CCDC38: variants seen among roughly 807,000 people sequenced by gnomAD.
CCDC38 encodes coiled-coil domain-containing protein 38.
In CCDC38, 69 loss-of-function variants were observed where a neutral mutation model predicts 72.8. The observed-to-expected ratio is 0.95, with a 90% CI of 0.78 to 1.16. CCDC38 has a LOEUF of 1.16. Ranked by LOEUF, CCDC38 falls within the 50% of genes most tolerant of loss-of-function variation. The pLI is 0.00. For missense variants in CCDC38, 626 were observed against 638.9 expected (o/e 0.98, Z 0.22); for synonymous variants, 201 against 213.2 (o/e 0.94, Z 0.50).
intron 4 of CCDC38, among the ~76,000 whole-genome samples, chr12:95,911,831 G>A (rs2080097511): frequency 6.6e-6 from 1 of 152,114 alleles, no homozygotes; most frequent in Admixed American, 6.6e-5. Context: ...ACTAAAAATA[G>A]AACTATCATC....
chr12:95,875,512 A>C (rs1181530582), intron 13 of CCDC38, among the ~76,000 whole-genome samples: 1 of 152,212 alleles, frequency 6.6e-6, no homozygotes, highest in Non-Finnish European at 1.5e-5. Flanking sequence ...GAATATCACA[A>C]TCAAATATGT....
At chr12:95,868,290 A>G (rs1266488489) in intron 15 of CCDC38, among the ~76,000 whole-genome samples, 2 of 152,126 alleles carry the variant, frequency 1.3e-5, no homozygotes, top group Admixed American at 1.3e-4. Context: ...GGTATTAGGA[A>G]TACAAACGTC....
At chr12:95,884,013 CT>C (rs1438382378) in intron 10 of CCDC38, among the ~76,000 whole-genome samples, 1 of 152,154 alleles carries the variant, frequency 6.6e-6, no homozygotes, top group Non-Finnish European at 1.5e-5. Context: ...AAACTGAATC[CT>C]TTCAAGACTG....
chr12:95,910,537 T>G (rs1326390365), intron 4 of CCDC38, among the ~76,000 whole-genome samples: 2 of 152,140 alleles, frequency 1.3e-5, no homozygotes, highest in African/African-American at 4.8e-5. Flanking sequence ...AAACTACCAA[T>G]GTCACTTTTC....
At chr12:95,888,580 T>C (rs2079786388) in intron 9 of CCDC38, 74 bp from the exon 10 acceptor site, 5 of 1,384,464 alleles carry the variant, frequency 3.6e-6, no homozygotes, top group Non-Finnish European at 5.2e-6. Flanking sequence ...GAATTAGAAA[T>C]GAGCCCGTGC....
chr12:95,881,609 A>G lies in CCDC38; in HGVS notation c.921-55T>C, dbSNP rs1005740229. On this transcript the variant is annotated intron_variant, in intron 10 of 15. Coordinates refer to ENST00000344280, the MANE Select transcript of CCDC38 (RefSeq NM_182496.3). ...CTGATTTGTGAGCCATTTTCTGTCAACAGGTTTGCATTCCTCTCTAAATTG... is the reference window on the plus strand; with the variant it reads ...CTGATTTGTGAGCCATTTTCTGTCAGCAGGTTTGCATTCCTCTCTAAATTG... 4.9e-6 allele frequency: 7 copies of G among 1,434,022 alleles called. No homozygotes were observed. The African/African-American group carries it at 7.1e-5, about 14-fold the overall frequency. 88.8% of individuals were successfully genotyped at this position (1,434,022 alleles called of 1,614,324 possible). A position where few individuals can be genotyped will look rare whatever the true frequency, so the allele number is the denominator to read the frequency against.
intron 8 of CCDC38, among the ~76,000 whole-genome samples, chr12:95,893,962 G>C (rs905391883): frequency 6.6e-6 from 1 of 152,056 alleles, no homozygotes; most frequent in African/African-American, 2.4e-5. Context: ...AGGTTAATTT[G>C]TTAGGTTAAT....
chr12:95,916,449 T>G (rs1366331410), intron 4 of CCDC38, among the ~76,000 whole-genome samples: 1 of 145,994 alleles, frequency 6.8e-6, no homozygotes, highest in Non-Finnish European at 1.5e-5. Flanking sequence ...ACTTTTTAAT[T>G]TAACAATTTG....
chr12:95,927,679 G>T (rs1041915890), intron 2 of CCDC38, among the ~76,000 whole-genome samples: 3 of 152,194 alleles, frequency 2.0e-5, no homozygotes, highest in African/African-American at 7.2e-5. Flanking sequence ...GCTGGTATTG[G>T]TTGTTCCTTT....
At position 95,923,436 on chromosome 12, in the gene CCDC38, A is replaced by T. The variant is rs562985965; in HGVS notation, c.38-4460T>A. 2.6e-5 allele frequency among the ~76,000 whole-genome samples: 4 copies of T among 152,088 alleles called. No homozygotes were observed. In the South Asian group the frequency reaches 6.2e-4, roughly 24 times the overall value. The stretch of plus-strand genomic sequence containing the variant: ...TGGAGCCACTGTTGTCCTCCAGGGG[A>T]TGAGTAATTAGTGGGCTGGACACCT... On this transcript the variant is annotated intron_variant, in intron 2 of 15. Transcript: ENST00000344280.
intron 8 of CCDC38, among the ~76,000 whole-genome samples, chr12:95,891,883 C>T (rs1030911496): frequency 6.6e-6 from 1 of 152,120 alleles, no homozygotes; most frequent in Non-Finnish European, 1.5e-5. Context: ...CTCTAGAAAG[C>T]AAATTCCCCC....
chr12:95,932,065 T>C (rs1365331692), intron 2 of CCDC38, among the ~76,000 whole-genome samples: 1 of 152,006 alleles, frequency 6.6e-6, no homozygotes, highest in African/African-American at 2.4e-5. Flanking sequence ...TTGTAGGCAG[T>C]CTTGAAGACT....
intron 9 of CCDC38, 118 bp from the exon 10 acceptor site, chr12:95,888,624 C>T (rs2079786906): frequency 1.3e-6 from 1 of 792,876 alleles, no homozygotes. Flanking sequence ...TCTGCACAGA[C>T]ATGCCCATTA....
intron 2 of CCDC38, among the ~76,000 whole-genome samples, chr12:95,930,721 A>G (rs904163105): frequency 2.0e-5 from 3 of 152,170 alleles, no homozygotes; most frequent in Non-Finnish European, 4.4e-5. Flanking sequence ...TGCAATGTAC[A>G]TCAAATTCCA....
intron 2 of CCDC38, among the ~76,000 whole-genome samples, chr12:95,919,879 C>T (rs1209267660): frequency 6.6e-6 from 1 of 152,100 alleles, no homozygotes; most frequent in African/African-American, 2.4e-5. Context: ...AAATTCACTC[C>T]TAGAAGGAAT....
intron 5 of CCDC38, among the ~76,000 whole-genome samples, chr12:95,902,614 T>C (rs61584320): frequency 0.096 from 14,676 of 152,198 alleles, 1,139 homozygotes; most frequent in African/African-American, 0.22. Flanking sequence ...TGGTTACCCA[T>C]TTACCTGTTC....
intron 10 of CCDC38, among the ~76,000 whole-genome samples, chr12:95,882,453 A>G (rs2079711488): frequency 6.6e-6 from 1 of 152,154 alleles, no homozygotes; most frequent in Non-Finnish European, 1.5e-5. Context: ...GATAAGGAAA[A>G]GATTAATATT....
intron 2 of CCDC38, chr12:95,935,241 C>T (rs1371887696): frequency 6.6e-6 from 1 of 152,202 alleles, no homozygotes; most frequent in Non-Finnish European, 1.5e-5. Context: ...TACTAGTGAA[C>T]CCCCAATATC....
intron 10 of CCDC38, 58 bp downstream of exon 10, chr12:95,888,400 G>T: frequency 6.8e-7 from 1 of 1,475,592 alleles, no homozygotes; most frequent in Non-Finnish European, 9.5e-7. Context: ...GGCTTTAAAA[G>T]TTATTTGCTG....
Sources: gnomAD v4.1 joint callset for allele counts (sites outside exome capture counted in the v4.1 genomes callset) on GRCh38, gnomAD v4.1.1 for gene constraint, MANE v1.5 for transcripts, NCBI Gene and HGNC (gene_info 2026-07-23, HGNC 2026-07-21) for gene names.